RBFOX1: variants seen among roughly 807,000 people sequenced by gnomAD.
The protein encoded by RBFOX1 is RNA binding fox-1 homolog 1.
In RBFOX1, 8 loss-of-function variants were observed where a neutral mutation model predicts 57.7. That is an observed-to-expected ratio of 0.14 (90% CI 0.08 to 0.25). The LOEUF is 0.25. RBFOX1 is among the 10% of genes least tolerant of loss of function. RBFOX1 has a pLI of 1.00. For missense variants in RBFOX1, 611 were observed against 548.5 expected (o/e 1.11, Z -1.14); for synonymous variants, 326 against 222.4 (o/e 1.47, Z -4.15).
chr16:5,756,517 C>T (rs377711942), intron 3 of RBFOX1, among the ~76,000 whole-genome samples: 16 of 152,286 alleles, frequency 1.1e-4, no homozygotes, highest in Middle Eastern at 6.8e-3. Context: ...CAGGCCTTGT[C>T]TCACATCCAG....
intron 4 of RBFOX1, among the ~76,000 whole-genome samples, chr16:7,410,635 C>G (rs1197361760): frequency 6.6e-6 from 1 of 152,176 alleles, no homozygotes; most frequent in East Asian, 1.9e-4. Context: ...CAAGATTGTG[C>G]CATTGCACTC....
At chr16:7,548,340 A>G (rs560732314) in intron 5 of RBFOX1, among the ~76,000 whole-genome samples, 1 of 152,272 alleles carries the variant, frequency 6.6e-6, no homozygotes, top group African/African-American at 2.4e-5. Flanking sequence ...TAGTTTTAGT[A>G]GAGACAGGGT....
Position 6,471,442 on chromosome 16 carries a change from T to G in RBFOX1, c.-64+154385T>G, listed in dbSNP as rs73542004. 5.6e-3 allele frequency among the ~76,000 whole-genome samples: 859 copies of G among 152,304 alleles called. 10 individuals carry two copies. The highest frequency in any genetic ancestry group is 0.019 in the African/African-American group (810 of 41,554). On this transcript the variant is annotated intron_variant, in intron 2 of 15. Coordinates refer to ENST00000550418, the MANE Select transcript of RBFOX1 (RefSeq NM_018723.4). ...TATTTTCCTTCTCCAGTAAACGTAT[T>G]CTACTTTGCATTCTCCAGGCCTAAA...
intron 1 of RBFOX1, among the ~76,000 whole-genome samples, chr16:6,065,027 CT>C (rs893364785): frequency 9.0e-4 from 135 of 149,536 alleles, no homozygotes; most frequent in African/African-American, 2.9e-3. Flanking sequence ...TTCTTTCTTT[CT>C]TTTTTTTTCT....
At chr16:6,451,994 C>G (rs970425406) in intron 2 of RBFOX1, among the ~76,000 whole-genome samples, 4 of 150,576 alleles carry the variant, frequency 2.7e-5, no homozygotes, top group Non-Finnish European at 5.9e-5. Flanking sequence ...ATCCATGGTT[C>G]CATCCATGGC....
chr16:6,613,788 A>G (rs1357444906), intron 2 of RBFOX1, among the ~76,000 whole-genome samples: 3 of 152,296 alleles, frequency 2.0e-5, no homozygotes, highest in Non-Finnish European at 4.4e-5. Flanking sequence ...AATATAAAAA[A>G]TTAGCCGGGT....
At chr16:7,397,957 C>G (rs1429913770) in intron 4 of RBFOX1, among the ~76,000 whole-genome samples, 1 of 152,076 alleles carries the variant, frequency 6.6e-6, no homozygotes, top group African/African-American at 2.4e-5. Context: ...GTGAACAATG[C>G]AAGCTTTATG....
intron 3 of RBFOX1, among the ~76,000 whole-genome samples, chr16:6,717,718 T>C (rs1336954124): frequency 6.6e-6 from 1 of 152,146 alleles, no homozygotes; most frequent in East Asian, 1.9e-4. Flanking sequence ...CATTGTTTGG[T>C]TATTGATAAT....
chr16:6,063,530 C>T (rs564139355), intron 1 of RBFOX1, among the ~76,000 whole-genome samples: 1 of 150,710 alleles, frequency 6.6e-6, no homozygotes, highest in Admixed American at 6.6e-5. Flanking sequence ...TCCCCTAGTA[C>T]CTTCCTCACT....
chr16:7,355,643 C>A (rs550016928), intron 4 of RBFOX1, among the ~76,000 whole-genome samples: 1 of 152,222 alleles, frequency 6.6e-6, no homozygotes, highest in Non-Finnish European at 1.5e-5. Flanking sequence ...TCCACTCTAT[C>A]ATTCTATATT....
chr16:7,160,011 A>C (rs924739457), intron 4 of RBFOX1, among the ~76,000 whole-genome samples: 2 of 152,126 alleles, frequency 1.3e-5, no homozygotes, highest in African/African-American at 2.4e-5. Flanking sequence ...TGTTTTCTTG[A>C]CATATCTAAG....
intron 3 of RBFOX1, among the ~76,000 whole-genome samples, chr16:5,808,820 C>A (rs58992817): frequency 3.9e-5 from 6 of 152,166 alleles, no homozygotes; most frequent in African/African-American, 1.4e-4. Context: ...AGATTTTGGG[C>A]TGAGACAATG....
chr16:7,448,927 G>GTTTTTTTTTTTTTTTTTTTTTTTTTTT (rs71147700), intron 4 of RBFOX1, among the ~76,000 whole-genome samples: 1 of 82,964 alleles, frequency 1.2e-5, no homozygotes. Context: ...TCTTTCCCCT[G>GTTTTTTTTTTTTTTTTTTTTTTTTTTT]TTTTTTTTTT....
intron 3 of RBFOX1, among the ~76,000 whole-genome samples, chr16:5,620,665 C>G (rs1567308451): frequency 6.6e-6 from 1 of 151,508 alleles, no homozygotes; most frequent in Non-Finnish European, 1.5e-5. Flanking sequence ...CCACCCTAAT[C>G]TCATTTTATT....
intron 1 of RBFOX1, among the ~76,000 whole-genome samples, chr16:6,216,716 C>A (rs1215960069): frequency 6.6e-6 from 1 of 152,014 alleles, no homozygotes; most frequent in African/African-American, 2.4e-5. Context: ...CTCTCTGATC[C>A]CACTTTTGTT....
In RBFOX1 at chr16:7,712,188, G is replaced by A. The variant is rs1173214640; in HGVS notation, c.*1443G>A. On this transcript the variant is annotated 3_prime_UTR_variant, in exon 16 of 16. Coordinates refer to ENST00000550418, the MANE Select transcript of RBFOX1 (RefSeq NM_018723.4). ...TCCTGTTTACAAGTTAACTTAAGTT[G>A]GGGTATCCGTCACGGGTCTTCCTGT... is the stretch of plus-strand genomic sequence containing the variant. 1.3e-5 allele frequency: 2 copies of A among 152,556 alleles called. No homozygotes were observed. Among genetic ancestry groups the A allele is most frequent in the Non-Finnish European group, 2.9e-5 (2 of 68,034 alleles). The allele number at this position is 152,556 out of a possible 1,614,324, so 9.5% of individuals were successfully genotyped here. A position where few individuals can be genotyped will look rare whatever the true frequency, so the allele number is the denominator to read the frequency against.
intron 4 of RBFOX1, among the ~76,000 whole-genome samples, chr16:7,435,347 G>A (rs2098713362): frequency 6.6e-6 from 1 of 152,144 alleles, no homozygotes. Flanking sequence ...AGACCACAGA[G>A]ACAGCGTGCC....
At chr16:6,845,528 C>T (rs957669433) in intron 3 of RBFOX1, among the ~76,000 whole-genome samples, 3 of 152,046 alleles carry the variant, frequency 2.0e-5, no homozygotes, top group Admixed American at 6.6e-5. Context: ...TGTTCTGTTC[C>T]GTTGGTCGTT....
intron 4 of RBFOX1, among the ~76,000 whole-genome samples, chr16:7,392,889 T>C (rs1417550071): frequency 6.6e-6 from 1 of 150,888 alleles, no homozygotes; most frequent in Non-Finnish European, 1.5e-5. Flanking sequence ...GTTTGTTTGT[T>C]TTGAGACAGA....
Sources: gnomAD v4.1 joint callset for allele counts (sites outside exome capture counted in the v4.1 genomes callset) on GRCh38, gnomAD v4.1.1 for gene constraint, MANE v1.5 for transcripts, NCBI Gene and HGNC (gene_info 2026-07-23, HGNC 2026-07-21) for gene names.